Variants in LARP1 observed in about 807,000 individuals in gnomAD.
LARP1 encodes La ribonucleoprotein 1, translational regulator, also known as la-related protein 1.
LARP1 carries 36 observed loss-of-function variants against 122.7 expected under a neutral mutation model. The observed-to-expected ratio is 0.29, with a 90% confidence interval of 0.22 to 0.39. LARP1 has a LOEUF of 0.39. Ranked by LOEUF, LARP1 falls within the 10% of genes least tolerant of loss-of-function variation. The pLI is 1.00. For missense variants in LARP1, 1,040 were observed against 1,403.6 expected (o/e 0.74, Z 4.14); for synonymous variants, 539 against 528.7 (o/e 1.02, Z -0.27).
chr5:154,707,689 TTATTTC>T (rs1472772749), intron 1 of LARP1, among the ~76,000 whole-genome samples: 1 of 152,156 alleles, frequency 6.6e-6, no homozygotes, highest in African/African-American at 2.4e-5. Context: ...ATTGTGCACT[TTATTTC>T]TATTATTATT....
chr5:154,783,370 C>T (rs1190256020), intron 1 of LARP1, among the ~76,000 whole-genome samples: 1 of 152,068 alleles, frequency 6.6e-6, no homozygotes, highest in Non-Finnish European at 1.5e-5. Context: ...GGAAACTAGG[C>T]ACTTCCAACC....
intron 1 of LARP1, among the ~76,000 whole-genome samples, chr5:154,683,561 G>C (rs138059325): frequency 4.6e-5 from 7 of 152,060 alleles, no homozygotes; most frequent in Admixed American, 3.9e-4. Flanking sequence ...CACAGTCTCC[G>C]CTACTCCCTA....
upstream of LARP1, among the ~76,000 whole-genome samples, chr5:154,755,051 C>G (rs1472847815): frequency 6.6e-6 from 1 of 152,086 alleles, no homozygotes; most frequent in African/African-American, 2.4e-5. Context: ...CCAGCCTTCT[C>G]TCCTATCCCC....
chr5:154,720,542 C>A (rs1755800969), intron 1 of LARP1, among the ~76,000 whole-genome samples: 1 of 151,982 alleles, frequency 6.6e-6, no homozygotes, highest in South Asian at 2.1e-4. Context: ...TAGGGAAACT[C>A]TATCTCTAAA....
chr5:154,811,222 G>A (rs553666266), intron 16 of LARP1, 25 bp from the exon 17 acceptor site: 2 of 1,581,134 alleles, frequency 1.3e-6, no homozygotes, highest in Non-Finnish European at 1.7e-6. Context: ...AAACTGCCCT[G>A]ATTTCACTGA....
At chr5:154,696,176 G>A (rs115380568) in intron 1 of LARP1, among the ~76,000 whole-genome samples, 237 of 152,104 alleles carry the variant, frequency 1.6e-3, no homozygotes, top group African/African-American at 5.6e-3. Context: ...GGGTAACACG[G>A]AGAAACACTT....
intron 1 of LARP1, among the ~76,000 whole-genome samples, chr5:154,697,685 T>C (rs1419180307): frequency 6.6e-6 from 1 of 152,228 alleles, no homozygotes; most frequent in Non-Finnish European, 1.5e-5. Context: ...TATGATTCCA[T>C]TTATATGAAT....
chr5:154,805,271 A>G, intron 14 of LARP1: 1 of 257,482 alleles, frequency 3.9e-6, no homozygotes, highest in Non-Finnish European at 7.6e-6. Flanking sequence ...AAGTGGAAGT[A>G]GAATCATCAT....
At chr5:154,689,998 G>A (rs567779514) in intron 1 of LARP1, among the ~76,000 whole-genome samples, 53 of 152,270 alleles carry the variant, frequency 3.5e-4, no homozygotes, top group Middle Eastern at 3.4e-3. Context: ...CAGAGATCGC[G>A]CCGTTGCACT....
upstream of LARP1, among the ~76,000 whole-genome samples, chr5:154,753,007 C>G (rs1360396386): frequency 6.6e-6 from 1 of 152,044 alleles, no homozygotes; most frequent in Non-Finnish European, 1.5e-5. Context: ...TGGGGCAGAG[C>G]AGGCCCAGGG....
chr5:154,811,449 C>T (rs923594681), intron 17 of LARP1, 64 bp from the exon 18 acceptor site: 2 of 1,611,720 alleles, frequency 1.2e-6, no homozygotes, highest in East Asian at 2.2e-5. Context: ...TACACAACAC[C>T]TCCCTCTCTC....
intron 1 of LARP1, chr5:154,757,407 G>C (rs1001223350): frequency 2.6e-5 from 4 of 151,776 alleles, no homozygotes; most frequent in African/African-American, 4.8e-5. Context: ...GCTTGGGTGG[G>C]GGGGGCGCGC....
At chr5:154,743,669 G>T (rs1176297298) in intron 1 of LARP1, among the ~76,000 whole-genome samples, 1 of 151,296 alleles carries the variant, frequency 6.6e-6, no homozygotes, top group Non-Finnish European at 1.5e-5. Flanking sequence ...GCCCAGGCTG[G>T]AGTATAGTGG....
intron 1 of LARP1, among the ~76,000 whole-genome samples, chr5:154,689,200 TC>T (rs1258064893): frequency 6.6e-6 from 1 of 152,190 alleles, no homozygotes; most frequent in Non-Finnish European, 1.5e-5. Context: ...ACGCCTGTAA[TC>T]CCAGCACTCT....
In LARP1 at chr5:154,756,025, A is replaced by G; in HGVS notation, c.268A>G (p.Ser90Gly). The G allele has an allele frequency of 5.8e-6, 6 of 1,038,158 alleles. No homozygotes were observed. Among genetic ancestry groups the G allele is most frequent in the Non-Finnish European group, 6.9e-6 (6 of 863,758 alleles). 64.3% of individuals were successfully genotyped at this position (1,038,158 alleles called of 1,614,324 possible). A position where few individuals can be genotyped will look rare whatever the true frequency, so the allele number is the denominator to read the frequency against. ...GCCCGGCGCCGAAGGCCCGGCCATC[A>G]GCGACGGGGAGGAGGGCGGCGGCGA... ...QLPGAEGPAI[S>G]DGEEGGGEPG... The change falls in exon 1 of 19, where the codon AGC (serine) becomes GGC (glycine). Residue 90 changes from serine to glycine, a missense_variant. This residue lies in a region of LARP1 where 257 missense variants were observed against 273.3 expected (regional missense o/e 0.94). Transcript: ENST00000518297.
Position 154,803,394 on chromosome 5 carries a change from G to A in LARP1, c.2214G>A (p.Gly738=), listed in dbSNP as rs1308993706. ...ATCCCAACCAGGAAGTTCCTCCTGG[G>A]CCACCTCGGTTCCAGCAAGGTGAGA... ...PVDPNQEVPP[G]PPRFQQVPTD... The change falls in exon 12 of 19, where the codon GGG becomes GGA. Residue 738 remains glycine, a synonymous_variant. Coordinates refer to ENST00000518297, the MANE Select transcript of LARP1 (RefSeq NM_033551.3). This position sits in a 1 kb window ranked among gnomAD's most constrained non-coding sequence, Gnocchi z 4.4. The A allele has an allele frequency of 3.7e-6, 6 of 1,614,126 alleles. No individual in the cohort carries two copies. The highest frequency in any genetic ancestry group is 1.7e-5 in the Admixed American group (1 of 60,014).
chr5:154,712,123 C>T (rs1207985260), upstream of LARP1, among the ~76,000 whole-genome samples: 1 of 152,162 alleles, frequency 6.6e-6, no homozygotes, highest in African/African-American at 2.4e-5. Flanking sequence ...CAGAGCCTGA[C>T]ACATAATAGC....
intron 8 of LARP1, among the ~76,000 whole-genome samples, chr5:154,796,047 ATT>A (rs1404932412): frequency 3.5e-5 from 4 of 114,352 alleles, no homozygotes; most frequent in African/African-American, 1.1e-4. Flanking sequence ...TATATTATAT[ATT>A]TATATATTAT....
intron 1 of LARP1, among the ~76,000 whole-genome samples, chr5:154,714,252 G>A (rs1755368926): frequency 6.6e-6 from 1 of 152,030 alleles, no homozygotes; most frequent in South Asian, 2.1e-4. Context: ...TGTAAAATGC[G>A]GCCTCTGTAG....
Sources: gnomAD v4.1 joint callset for allele counts (sites outside exome capture counted in the v4.1 genomes callset) on GRCh38, gnomAD v4.1.1 for gene constraint, gnomAD v4.1.1 regional missense constraint, Gnocchi (gnomAD v3.1) non-coding constraint, MANE v1.5 for transcripts, NCBI Gene and HGNC (gene_info 2026-07-23, HGNC 2026-07-21) for gene names.